The following TNS3 variants were observed in gnomAD, a reference collection of about 807,000 sequenced individuals.
TNS3 encodes the protein tensin 3.
Under a neutral mutation model 140.9 loss-of-function variants are expected in TNS3, and 45 were observed. The observed-to-expected ratio is 0.32, with a 90% confidence interval of 0.25 to 0.41. TNS3 has a LOEUF of 0.41. Ranked by LOEUF, TNS3 falls within the 10% of genes least tolerant of loss-of-function variation. The pLI, the probability that TNS3 is intolerant of heterozygous loss-of-function variation, is 1.00. For synonymous variants in TNS3, 815 were observed against 788.4 expected (o/e 1.03, Z -0.56); for missense variants, 1,716 against 1,906.7 (o/e 0.90, Z 1.86).
intron 15 of TNS3, among the ~76,000 whole-genome samples, chr7:47,399,569 G>A (rs755446260): frequency 6.6e-6 from 1 of 152,110 alleles, no homozygotes; most frequent in Non-Finnish European, 1.5e-5. Flanking sequence ...ACATAAACTG[G>A]GGAAAGAATA....
At chr7:47,302,688 C>A (rs759511128) in intron 22 of TNS3, among the ~76,000 whole-genome samples, 27 of 152,194 alleles carry the variant, frequency 1.8e-4, no homozygotes, top group Admixed American at 6.5e-5. Flanking sequence ...GAAAGTAGAA[C>A]CACTGCAAAT....
intron 1 of TNS3, 109 bp from the exon 2 acceptor site, chr7:47,529,256 C>G: frequency 1.7e-6 from 1 of 596,334 alleles, no homozygotes; most frequent in Non-Finnish European, 2.5e-6. Context: ...AGAGCAAAAA[C>G]AGGAATTTTA....
At chr7:47,293,439 A>G (rs977900077) in intron 25 of TNS3, among the ~76,000 whole-genome samples, 7 of 152,166 alleles carry the variant, frequency 4.6e-5, no homozygotes, top group East Asian at 1.9e-4. Context: ...TGGAGCTCCA[A>G]CCTTCTCAGG....
At chr7:47,389,098 G>A (rs1264502516) in intron 16 of TNS3, among the ~76,000 whole-genome samples, 501 of 35,930 alleles carry the variant, frequency 0.014, 117 homozygotes, top group African/African-American at 0.091. Flanking sequence ...AAGAGGAAGA[G>A]GAAGCGGAAG....
intron 1 of TNS3, among the ~76,000 whole-genome samples, chr7:47,555,758 A>G (rs1800178779): frequency 6.6e-6 from 1 of 152,250 alleles, no homozygotes; most frequent in South Asian, 2.1e-4. Context: ...TTAAATTGAC[A>G]TGTACATTGT....
At chr7:47,449,252 A>T (rs1795902175) in intron 4 of TNS3, among the ~76,000 whole-genome samples, 1 of 152,202 alleles carries the variant, frequency 6.6e-6, no homozygotes, top group African/African-American at 2.4e-5. Flanking sequence ...CGTGCAATTA[A>T]TGCTAGTGCG....
chr7:47,564,652 A>AAAAC (rs1471800899), intron 1 of TNS3, among the ~76,000 whole-genome samples: 2 of 148,468 alleles, frequency 1.3e-5, no homozygotes, highest in Non-Finnish European at 3.0e-5. Flanking sequence ...AAAAAAAACA[A>AAAAC]AAAAAAACAA....
intron 1 of TNS3, among the ~76,000 whole-genome samples, chr7:47,547,006 C>A (rs1323496044): frequency 6.6e-6 from 1 of 152,232 alleles, no homozygotes; most frequent in African/African-American, 2.4e-5. Context: ...TGAGCTGTGG[C>A]CTCCTATCTG....
intron 28 of TNS3, among the ~76,000 whole-genome samples, chr7:47,282,663 C>T (rs1016228310): frequency 6.6e-6 from 1 of 152,212 alleles, no homozygotes; most frequent in Non-Finnish European, 1.5e-5. Flanking sequence ...GATTGAAATA[C>T]GAGAGCATCA....
At chr7:47,417,042 G>C (rs948250665) in intron 10 of TNS3, among the ~76,000 whole-genome samples, 10 of 152,188 alleles carry the variant, frequency 6.6e-5, no homozygotes, top group Non-Finnish European at 1.5e-4. Context: ...TGTTCCCTGG[G>C]GGTGTTCTCA....
intron 20 of TNS3, among the ~76,000 whole-genome samples, chr7:47,327,599 G>A (rs1283349859): frequency 6.6e-6 from 1 of 152,224 alleles, no homozygotes; most frequent in Non-Finnish European, 1.5e-5. Context: ...CAGAAAAGCT[G>A]CACATCTGTA....
At chr7:47,391,537 T>C (rs1383034883) in intron 16 of TNS3, among the ~76,000 whole-genome samples, 2 of 152,064 alleles carry the variant, frequency 1.3e-5, no homozygotes, top group Admixed American at 6.6e-5. Context: ...TGAGAGCAAG[T>C]AGAAAGCACC....
chr7:47,388,290 T>G (rs1033788570), intron 16 of TNS3, among the ~76,000 whole-genome samples: 8 of 152,152 alleles, frequency 5.3e-5, no homozygotes, highest in Non-Finnish European at 1.2e-4. Flanking sequence ...AGAAGCTTCG[T>G]GGCTCAGGGT....
At chr7:47,370,968 C>G (rs575512462) in intron 16 of TNS3, among the ~76,000 whole-genome samples, 1 of 152,300 alleles carries the variant, frequency 6.6e-6, no homozygotes, top group Admixed American at 6.5e-5. Context: ...GGACAGAGTC[C>G]CAAGGGGTCC....
At chr7:47,435,244 C>T (rs1423863533) in intron 8 of TNS3, 38 bp downstream of exon 8, 1 of 1,611,162 alleles carries the variant, frequency 6.2e-7, no homozygotes, top group Admixed American at 1.7e-5. Context: ...AGGCTGAAGC[C>T]CAGCCAGACC....
Position 47,411,809 on chromosome 7 carries a change from G to A in TNS3, c.648-7C>T. On this transcript the variant is annotated splice_polypyrimidine_tract_variant and splice_region_variant and intron_variant, in intron 12 of 30. Coordinates refer to ENST00000311160, the MANE Select transcript of TNS3 (RefSeq NM_022748.12). ...GTTTTCTGGGCCAACGTTGCTTTGG[G>A]ATGAAGAAGAAGGTAGATCATTATG... 2 of 1,612,774 alleles carry A rather than the reference G, an allele frequency of 1.2e-6. No individual in the cohort carries two copies. The highest frequency in any genetic ancestry group is 1.1e-5 in the South Asian group (1 of 90,620).
intron 4 of TNS3, among the ~76,000 whole-genome samples, chr7:47,444,357 G>C (rs534041082): frequency 1.3e-5 from 2 of 152,322 alleles, no homozygotes; most frequent in African/African-American, 4.8e-5. Context: ...TGTCGCTTCA[G>C]ACCCTATGTC....
intron 24 of TNS3, 87 bp downstream of exon 24, chr7:47,296,995 C>T: frequency 6.7e-7 from 1 of 1,501,882 alleles, no homozygotes; most frequent in Non-Finnish European, 9.0e-7. Context: ...TTGTTAAAGT[C>T]ATCTTTTATT....
At chr7:47,554,258 A>T (rs1320680276) in intron 1 of TNS3, among the ~76,000 whole-genome samples, 1 of 151,564 alleles carries the variant, frequency 6.6e-6, no homozygotes, top group African/African-American at 2.4e-5. Context: ...TCTCTACTAA[A>T]AATACAAAAA....
Sources: allele counts gnomAD v4.1 joint callset (sites outside exome capture counted in the v4.1 genomes callset), GRCh38; gene constraint gnomAD v4.1.1; transcripts MANE v1.5; gene names NCBI Gene and HGNC (gene_info 2026-07-23, HGNC 2026-07-21).